Variants in LITAF observed in about 807,000 individuals in gnomAD.
LITAF encodes the protein lipopolysaccharide-induced tumor necrosis factor-alpha factor.
A neutral mutation model predicts 14.5 loss-of-function variants in LITAF; 9 were observed. That is an observed-to-expected ratio of 0.62 (90% CI 0.37 to 1.08). The LOEUF (loss-of-function observed/expected upper bound fraction) is 1.08. LITAF is among the 50% of genes least tolerant of loss of function. LITAF has a pLI of 0.01. For missense variants in LITAF, 206 were observed against 213.4 expected (o/e 0.97, Z 0.22); for synonymous variants, 98 against 88.2 (o/e 1.11, Z -0.62).
At chr16:11,567,907 C>A (rs192451403) in intron 1 of LITAF, among the ~76,000 whole-genome samples, 242 of 152,258 alleles carry the variant, frequency 1.6e-3, no homozygotes, top group African/African-American at 5.6e-3. Flanking sequence ...GTGCTTCAAC[C>A]CAGGAGGCGG....
rs961803629 is a variant in LITAF at position 11,586,471 on chromosome 16, C to T, written c.-6+415G>A. 1.3e-5 allele frequency: 2 copies of T among 152,160 alleles called. No homozygotes were observed. Among genetic ancestry groups the T allele is most frequent in the Admixed American group, 6.5e-5 (1 of 15,284 alleles). 9.4% of individuals were successfully genotyped at this position (152,160 alleles called of 1,614,324 possible). On this transcript the variant is annotated intron_variant, in intron 1 of 3. Transcript: ENST00000622633. The surrounding 1 kb of genome is among the most constrained non-coding windows in gnomAD (Gnocchi z 6.5). ...TGTTTTGGTTTTGTTTCTGAACCCCCGGGGGATATTTCTGGAAATCTCAAC... is the reference window on the plus strand; with the variant it reads ...TGTTTTGGTTTTGTTTCTGAACCCCTGGGGGATATTTCTGGAAATCTCAAC...
At chr16:11,582,293 G>C (rs1465714148) in intron 1 of LITAF, among the ~76,000 whole-genome samples, 1 of 134,166 alleles carries the variant, frequency 7.5e-6, no homozygotes, top group African/African-American at 2.8e-5. Context: ...GCAAGATATA[G>C]TGAAATATCT....
intron 1 of LITAF, among the ~76,000 whole-genome samples, chr16:11,585,022 A>G (rs1276717536): frequency 6.6e-6 from 1 of 152,204 alleles, no homozygotes; most frequent in Non-Finnish European, 1.5e-5. Flanking sequence ...AGCCTGGCCA[A>G]CATGGCAAAA....
rs2064223429 is a variant in LITAF, at chr16:11,553,834, T to C, written c.221-145A>G. ...TCATAGCATGCGTTCATCGTCTGGC[T>C]ATCTATGAGAGCCAAAAGGGGAAGG... On this transcript the variant is annotated intron_variant, in intron 2 of 3. Transcript: ENST00000622633. This position sits in a 1 kb window ranked among gnomAD's most constrained non-coding sequence, Gnocchi z 7.7. 2.2e-6 allele frequency: 2 copies of C among 918,180 alleles called. No individual in the cohort carries two copies. Among genetic ancestry groups the C allele is most frequent in the Admixed American group, 2.1e-5 (1 of 47,466 alleles). The allele number at this position is 918,180 out of a possible 1,614,324, so 56.9% of individuals were successfully genotyped here.
intron 1 of LITAF, among the ~76,000 whole-genome samples, chr16:11,579,713 C>A (rs192724641): frequency 2.2e-4 from 33 of 152,222 alleles, no homozygotes; most frequent in African/African-American, 7.9e-4. Flanking sequence ...GAACCAGGAA[C>A]TGGGTGAGGA....
In LITAF at chr16:11,549,234, C is replaced by A; in HGVS notation, c.*403G>T. On this transcript the variant is annotated 3_prime_UTR_variant, in exon 4 of 4. Transcript: ENST00000622633. The surrounding 1 kb of genome is among the most constrained non-coding windows in gnomAD (Gnocchi z 4.6). ...TTCAGCCGAGCTCTGGGCAGAACAG[C>A]CTCAAAAATAAGGCAACTGTGGCTT... 2.3e-6 allele frequency: 1 copy of A among 436,716 alleles called. No individual in the cohort carries two copies. The highest frequency in any genetic ancestry group is 4.6e-6 in the Non-Finnish European group (1 of 218,370). The allele number at this position is 436,716 out of a possible 1,614,324, so 27.1% of individuals were successfully genotyped here.
In LITAF at chr16:11,623,126, G is replaced by C. The variant is rs192499954; in HGVS notation, c.85+10407C>G. Among the ~76,000 whole-genome samples the C allele has an allele frequency of 2.4e-3, 371 of 151,542 alleles. 1 individual carries two copies. Among genetic ancestry groups the C allele is most frequent in the African/African-American group, 8.7e-3 (359 of 41,342 alleles). ...CTACAGGCGCCCACCACCACGCCCG[G>C]CTAATTTTTGTATTTTTAGTAGAGA... On this transcript the variant is annotated intron_variant, in intron 3 of 3. Transcript: ENST00000574848.
At chr16:11,599,200 C>T (rs778218391), upstream of LITAF, among the ~76,000 whole-genome samples, 5 of 151,944 alleles carry the variant, frequency 3.3e-5, no homozygotes, top group Non-Finnish European at 5.9e-5. Context: ...CTCACTGCAG[C>T]CTCCGCCTCC....
chr16:11,559,431 C>A (rs1392010285), intron 1 of LITAF, among the ~76,000 whole-genome samples: 1 of 152,012 alleles, frequency 6.6e-6, no homozygotes, highest in Non-Finnish European at 1.5e-5. Flanking sequence ...TCTGGGACAA[C>A]TTGAATATAT....
chr16:11,602,985 A>G (rs2064936680), upstream of LITAF, among the ~76,000 whole-genome samples: 1 of 152,062 alleles, frequency 6.6e-6, no homozygotes, highest in Non-Finnish European at 1.5e-5. Context: ...ATGGTTGCCC[A>G]TGCCTGTAGT....
At position 11,605,805 on chromosome 16, in the gene LITAF, G is replaced by A. The variant is rs564698645; in HGVS notation, c.85+27728C>T. On this transcript the variant is annotated intron_variant, in intron 3 of 3. Coordinates refer to the LITAF transcript ENST00000574848. The surrounding 1 kb of genome is among the most constrained non-coding windows in gnomAD (Gnocchi z 4.7). ...GCAAGAGAGTTACCGTGAGAGCCCC[G>A]AGAGCTTCCCACACTACACATGTCA... Among the ~76,000 whole-genome samples the A allele has an allele frequency of 5.3e-5, 8 of 152,028 alleles. No homozygotes were observed. The highest frequency in any genetic ancestry group is 2.1e-4 in the South Asian group (1 of 4,822).
intron 1 of LITAF, among the ~76,000 whole-genome samples, chr16:11,576,554 A>AAAAAAAAAAAAAAAAAAAAAAGAC (rs1555469756): frequency 6.9e-5 from 8 of 116,658 alleles, no homozygotes; most frequent in African/African-American, 2.3e-4. Context: ...AAAAAAAAAA[A>AAAAAAAAAAAAAAAAAAAAAAGAC]AGAGAGAGAG....
upstream of LITAF, among the ~76,000 whole-genome samples, chr16:11,639,260 A>G (rs8062473): frequency 0.74 from 111,265 of 151,338 alleles, 41,045 homozygotes; most frequent in East Asian, 0.92. Context: ...TAGAGGGAGG[A>G]ATGGATGGAT....
chr16:11,604,092 G>C (rs1375341512), intron 3 of LITAF, among the ~76,000 whole-genome samples: 3 of 152,202 alleles, frequency 2.0e-5, no homozygotes, highest in Admixed American at 2.0e-4. Context: ...CACTTTGGGA[G>C]GCTGAGGCAG....
At chr16:11,556,441 C>A in intron 2 of LITAF, 70 bp downstream of exon 2, 1 of 1,360,014 alleles carries the variant, frequency 7.4e-7, no homozygotes. Context: ...AGAGTCACTT[C>A]GGTCACTCTC....
intron 3 of LITAF, among the ~76,000 whole-genome samples, chr16:11,624,168 C>T (rs2065069401): frequency 2.0e-5 from 3 of 152,146 alleles, no homozygotes; most frequent in South Asian, 4.1e-4. Context: ...CCGTCTCTTG[C>T]CTCTGCTCTC....
intron 3 of LITAF, among the ~76,000 whole-genome samples, chr16:11,608,316 C>T (rs563414926): frequency 1.6e-4 from 24 of 152,216 alleles, no homozygotes; most frequent in Non-Finnish European, 2.9e-4. Flanking sequence ...AGGAAAGGGA[C>T]GTAGCTGGAT....
intron 1 of LITAF, among the ~76,000 whole-genome samples, chr16:11,566,305 C>T (rs922140105): frequency 3.9e-5 from 6 of 152,152 alleles, no homozygotes; most frequent in African/African-American, 1.4e-4. Flanking sequence ...CCCAGTCTCC[C>T]TTGGACAGAG....
chr16:11,638,024 CTATAT>C (rs2065148000), upstream of LITAF, among the ~76,000 whole-genome samples: 1 of 72,194 alleles, frequency 1.4e-5, no homozygotes, highest in Non-Finnish European at 2.2e-5. Context: ...CTATATATAT[CTATAT>C]ATCTATATAT....
Sources: gnomAD v4.1 joint callset for allele counts (sites outside exome capture counted in the v4.1 genomes callset) on GRCh38, gnomAD v4.1.1 for gene constraint, Gnocchi (gnomAD v3.1) non-coding constraint, MANE v1.5 for transcripts, NCBI Gene and HGNC (gene_info 2026-07-23, HGNC 2026-07-21) for gene names.